Variants in UGT1A6 observed in about 807,000 individuals in gnomAD.
UGT1A6 encodes UDP glucuronosyltransferase family 1 member A6.
Under a neutral mutation model 44.4 loss-of-function variants are expected in UGT1A6, and 32 were observed. The observed-to-expected ratio is 0.72, with a 90% CI of 0.54 to 0.97. The LOEUF (loss-of-function observed/expected upper bound fraction) is 0.97. Ranked by LOEUF, UGT1A6 falls within the 50% of genes least tolerant of loss-of-function variation. The probability of loss-of-function intolerance (pLI) is 0.00; values close to 1 mark genes in which losing one functional copy is unlikely to be tolerated. For missense variants in UGT1A6, 685 were observed against 661.9 expected, an observed-to-expected ratio of 1.03 and a Z score of -0.38; for synonymous variants, 238 against 248.5, an observed-to-expected ratio of 0.96 and a Z score of 0.40.
chr2:233,693,120 G>A lies in UGT1A6; in HGVS notation c.116G>A (p.Trp39Ter). The change falls in exon 1 of 5, where the codon TGG becomes TAG. Residue 39 changes from tryptophan (W) to a stop codon, truncating the protein, a stop_gained. Coordinates refer to ENST00000305139, the MANE Select transcript of UGT1A6 (RefSeq NM_001072.4). LOFTEE classifies it high-confidence loss of function. ...LLVVPQDGSH[W>*]LSMKDIVEVL... Reference sequence around the variant, plus strand: ...GTGGTCCCTCAGGACGGAAGCCACTGGCTTAGTATGAAGGATATAGTTGAG... The same window carrying A: ...GTGGTCCCTCAGGACGGAAGCCACTAGCTTAGTATGAAGGATATAGTTGAG... The A allele has an allele frequency of 6.2e-7, 1 of 1,614,180 alleles. No homozygotes were observed. Among genetic ancestry groups the A allele is most frequent in the Non-Finnish European group, 8.5e-7 (1 of 1,180,032 alleles).
chr2:233,738,020 A>T (rs1165451282), intron 1 of UGT1A6, among the ~76,000 whole-genome samples: 1 of 152,034 alleles, frequency 6.6e-6, no homozygotes, highest in East Asian at 1.9e-4. Context: ...TTGAATTGTA[A>T]TCCCCATAAT....
chr2:233,698,999 G>GT (rs1162010332), intron 1 of UGT1A6, among the ~76,000 whole-genome samples: 1 of 152,212 alleles, frequency 6.6e-6, no homozygotes, highest in East Asian at 1.9e-4. Flanking sequence ...GATTCCTGCT[G>GT]TAAGAACATG....
chr2:233,713,080 A>G (rs1178501043), intron 1 of UGT1A6: 1 of 1,614,182 alleles, frequency 6.2e-7, no homozygotes, highest in Non-Finnish European at 8.5e-7. Flanking sequence ...GAGAGTGGGA[A>G]GGTGCTGGTG....
intron 1 of UGT1A6, among the ~76,000 whole-genome samples, chr2:233,746,704 G>A (rs1301844590): frequency 6.6e-6 from 1 of 151,714 alleles, no homozygotes; most frequent in African/African-American, 2.4e-5. Context: ...TAAATATTTG[G>A]TGGATAAGGG....
chr2:233,762,827 TA>T (rs922323260), intron 1 of UGT1A6, among the ~76,000 whole-genome samples: 2 of 152,162 alleles, frequency 1.3e-5, no homozygotes, highest in African/African-American at 2.4e-5. Flanking sequence ...ATTTTCATAA[TA>T]AAAAATAATA....
At chr2:233,711,093 T>G (rs1463898201) in intron 1 of UGT1A6, among the ~76,000 whole-genome samples, 1 of 152,198 alleles carries the variant, frequency 6.6e-6, no homozygotes, top group African/African-American at 2.4e-5. Context: ...AGTCTATCTG[T>G]GCAGCCCAGA....
At chr2:233,729,707 T>C (rs2125746901) in intron 1 of UGT1A6, 1 of 1,613,988 alleles carries the variant, frequency 6.2e-7, no homozygotes, top group Non-Finnish European at 8.5e-7. Flanking sequence ...TCCTCCTATA[T>C]TCCTAGATTA....
At chr2:233,707,925 A>G (rs4663326) in intron 1 of UGT1A6, among the ~76,000 whole-genome samples, 13,554 of 152,258 alleles carry the variant, frequency 0.089, 755 homozygotes, top group South Asian at 0.2. Context: ...GTTTTAAAAT[A>G]TACTTATCAG....
At chr2:233,724,741 C>T (rs1331801697) in intron 1 of UGT1A6, among the ~76,000 whole-genome samples, 1 of 144,478 alleles carries the variant, frequency 6.9e-6, no homozygotes, top group Non-Finnish European at 1.5e-5. Context: ...AGGGGCTCCT[C>T]ACATCCCAGA....
At chr2:233,743,431 C>T (rs755334550) in intron 1 of UGT1A6, 17 of 1,354,320 alleles carry the variant, frequency 1.3e-5, no homozygotes, top group African/African-American at 1.5e-5. Context: ...GCCAAAGGAA[C>T]GAAATCCTGT....
rs67292694 is a variant in UGT1A6 at position 233,757,535 on chromosome 2, A to AATATATATAT, written c.862-9482_862-9473dup. Among the ~76,000 whole-genome samples the AATATATATAT allele has an allele frequency of 5.8e-3, 509 of 88,260 alleles. 17 individuals are homozygous for AATATATATAT. Among genetic ancestry groups the AATATATATAT allele is most frequent in the African/African-American group, 0.017 (333 of 19,902 alleles). The allele number at this position is 88,260 out of a possible 152,430, so 57.9% of individuals were successfully genotyped here. A position where few individuals can be genotyped will look rare whatever the true frequency, so the allele number is the denominator to read the frequency against. On this transcript the variant is annotated intron_variant, in intron 1 of 4. Coordinates refer to ENST00000305139, the MANE Select transcript of UGT1A6 (RefSeq NM_001072.4). ...CAAAGCCAAAATCTTGCCTGTAAGG[A>AATATATATAT]ATATATATATATATATATATATATA...
intron 1 of UGT1A6, among the ~76,000 whole-genome samples, chr2:233,748,275 A>G (rs147171654): frequency 6.6e-6 from 1 of 151,830 alleles, no homozygotes; most frequent in Non-Finnish European, 1.5e-5. Context: ...CAATGAGAGG[A>G]AGAAGAGGCA....
intron 1 of UGT1A6, chr2:233,730,098 T>G: frequency 6.3e-7 from 1 of 1,586,492 alleles, no homozygotes; most frequent in East Asian, 2.3e-5. Flanking sequence ...TTCCAAATAT[T>G]TCATTTCTGC....
At chr2:233,703,155 C>T (rs1046726596) in intron 1 of UGT1A6, among the ~76,000 whole-genome samples, 1 of 152,038 alleles carries the variant, frequency 6.6e-6, no homozygotes, top group Non-Finnish European at 1.5e-5. Flanking sequence ...TTTTGTATTT[C>T]TTCTTGATTC....
intron 1 of UGT1A6, chr2:233,748,227 A>C (rs1693897590): frequency 1.4e-6 from 2 of 1,423,074 alleles, no homozygotes; most frequent in African/African-American, 2.9e-5. Context: ...ATAAACTGTT[A>C]AGGGGTCTCT....
chr2:233,761,222 C>T, intron 1 of UGT1A6: 1 of 1,613,374 alleles, frequency 6.2e-7, no homozygotes, highest in Admixed American at 1.7e-5. Flanking sequence ...GATTAACTAG[C>T]CCCAGATATA....
intron 1 of UGT1A6, among the ~76,000 whole-genome samples, chr2:233,745,639 G>A (rs182919627): frequency 4.6e-5 from 7 of 151,616 alleles, no homozygotes; most frequent in African/African-American, 1.7e-4. Flanking sequence ...AAAGCTGGCC[G>A]AGGGTAGAGT....
chr2:233,713,124 C>T lies in UGT1A6; in HGVS notation c.861+19259C>T, dbSNP rs746932812. 81 of 1,614,064 alleles carry T rather than the reference C, an allele frequency of 5.0e-5. No individual in the cohort carries two copies. In the East Asian group the frequency reaches 1.0e-3, roughly 20 times the overall value. On this transcript the variant is annotated intron_variant, in intron 1 of 4. Coordinates refer to ENST00000305139, the MANE Select transcript of UGT1A6 (RefSeq NM_001072.4). ...TGATGGCAGCCACTGGCTCAGCATG[C>T]GGGAGGCCTTGCGGGACCTCCATGC...
intron 1 of UGT1A6, among the ~76,000 whole-genome samples, chr2:233,724,169 C>CA (rs1420710950): frequency 7.9e-6 from 1 of 127,094 alleles, no homozygotes; most frequent in Admixed American, 7.4e-5. Flanking sequence ...GGCTGACCCC[C>CA]CCATCTCCCT....
Sources: allele counts gnomAD v4.1 joint callset (sites outside exome capture counted in the v4.1 genomes callset), GRCh38; gene constraint gnomAD v4.1.1; transcripts MANE v1.5; gene names NCBI Gene and HGNC (gene_info 2026-07-23, HGNC 2026-07-21).